GRAP2: variants seen among roughly 807,000 people sequenced by gnomAD.
GRAP2 encodes GRB2-related adapter protein 2.
Under a neutral mutation model 43.5 loss-of-function variants are expected in GRAP2, and 31 were observed. The ratio of observed to expected loss-of-function variants is 0.71; its 90% CI spans 0.54 to 0.96. The LOEUF is 0.96. GRAP2 is among the 40% of genes least tolerant of loss of function. GRAP2 has a pLI of 0.00. For synonymous variants in GRAP2, 156 were observed against 164.8 expected (o/e 0.95, Z 0.41); for missense variants, 371 against 424.4 (o/e 0.87, Z 1.11).
At chr22:39,924,899 G>C (rs538072756) in intron 1 of GRAP2, among the ~76,000 whole-genome samples, 21 of 152,304 alleles carry the variant, frequency 1.4e-4, no homozygotes, top group African/African-American at 5.1e-4. Flanking sequence ...AACATAGTAA[G>C]CTCTGCACTG....
intron 3 of GRAP2, among the ~76,000 whole-genome samples, chr22:39,957,460 TCAAA>T (rs1417806620): frequency 6.6e-6 from 1 of 152,112 alleles, no homozygotes; most frequent in Non-Finnish European, 1.5e-5. Flanking sequence ...GCAAGTGTGC[TCAAA>T]CAGTCGGCCT....
chr22:39,911,129 A>G (rs2066561341), intron 1 of GRAP2, among the ~76,000 whole-genome samples: 1 of 152,238 alleles, frequency 6.6e-6, no homozygotes, highest in Admixed American at 6.5e-5. Flanking sequence ...CAGAGGCAGC[A>G]TTAGATGAGG....
At chr22:39,898,924 A>G (rs1174977358), upstream of GRAP2, among the ~76,000 whole-genome samples, 1 of 152,286 alleles carries the variant, frequency 6.6e-6, no homozygotes, top group Non-Finnish European at 1.5e-5. Context: ...GGTTTAAAAA[A>G]GAAACTTCTC....
At chr22:39,948,561 A>C (rs1428602016) in intron 2 of GRAP2, 1 of 151,820 alleles carries the variant, frequency 6.6e-6, no homozygotes, top group Admixed American at 6.6e-5. Flanking sequence ...TCTGCTTCCC[A>C]ATCCAGCTCC....
chr22:39,970,911 C>T lies in GRAP2; in HGVS notation c.820C>T (p.Arg274Trp), dbSNP rs187816875. 635 of 1,601,408 alleles carry T rather than the reference C, an allele frequency of 4.0e-4. No homozygotes were observed. The highest frequency in any genetic ancestry group is 5.0e-4 in the Non-Finnish European group (585 of 1,174,356). Reference sequence around the variant, plus strand: ...TCTGTGCTTCCCCCAACAGCGAGTGCGGTGGGCCCGGGCGCTGTATGACTT... The same window carrying T: ...TCTGTGCTTCCCCCAACAGCGAGTGTGGTGGGCCCGGGCGCTGTATGACTT... ...PVQLQAAGRV[R>W]WARALYDFEA... The change falls in exon 8 of 8, where the codon CGG becomes TGG. Residue 274 changes from arginine (R) to tryptophan (W), a missense_variant. Transcript: ENST00000344138.
chr22:39,919,720 A>G (rs985708348), intron 1 of GRAP2, among the ~76,000 whole-genome samples: 1 of 152,246 alleles, frequency 6.6e-6, no homozygotes, highest in Non-Finnish European at 1.5e-5. Context: ...CCATTCTTCT[A>G]TCTCCTTCAA....
At chr22:39,937,745 C>G (rs189297368) in intron 1 of GRAP2, among the ~76,000 whole-genome samples, 1 of 152,086 alleles carries the variant, frequency 6.6e-6, no homozygotes, top group African/African-American at 2.4e-5. Context: ...TATGGTTCTC[C>G]GGCTACAAAG....
intron 1 of GRAP2, among the ~76,000 whole-genome samples, chr22:39,936,175 G>A (rs2066804406): frequency 6.6e-6 from 1 of 152,112 alleles, no homozygotes; most frequent in Admixed American, 6.5e-5. Context: ...TCTCTCGACT[G>A]TCATTCCCAT....
At chr22:39,920,707 C>G (rs2145588081) in intron 1 of GRAP2, among the ~76,000 whole-genome samples, 2 of 152,240 alleles carry the variant, frequency 1.3e-5, no homozygotes, top group African/African-American at 4.8e-5. Context: ...TGCTGACTCT[C>G]CAACCCCCAG....
intron 1 of GRAP2, among the ~76,000 whole-genome samples, chr22:39,929,522 C>A (rs533320457): frequency 6.6e-6 from 1 of 152,300 alleles, no homozygotes; most frequent in East Asian, 1.9e-4. Flanking sequence ...CCTCACCCTC[C>A]TTACCTATAC....
intron 1 of GRAP2, among the ~76,000 whole-genome samples, chr22:39,910,859 C>G (rs2066558147): frequency 6.6e-6 from 1 of 152,108 alleles, no homozygotes; most frequent in African/African-American, 2.4e-5. Context: ...ATTAGCTTCC[C>G]CTCCCTGCAG....
chr22:39,917,172 T>A (rs1480160937), intron 1 of GRAP2, among the ~76,000 whole-genome samples: 3 of 152,230 alleles, frequency 2.0e-5, no homozygotes, highest in Non-Finnish European at 4.4e-5. Context: ...CACAATTATT[T>A]GAGGGATTTA....
intron 1 of GRAP2, among the ~76,000 whole-genome samples, chr22:39,924,692 A>C (rs1281917368): frequency 6.6e-6 from 1 of 151,160 alleles, no homozygotes; most frequent in Admixed American, 6.6e-5. Context: ...ACAAAACGAG[A>C]CTCCGTCTCA....
rs552706125 is a variant in GRAP2, at chr22:39,971,216, T to A, written c.*132T>A. ...GCCTGTGTACACACACAACTTTTTA[T>A]ACTAGTAATTTATTGGCAATTGGGC... On this transcript the variant is annotated 3_prime_UTR_variant, in exon 8 of 8. Coordinates refer to ENST00000344138, the MANE Select transcript of GRAP2 (RefSeq NM_004810.4). 1.6e-6 allele frequency: 1 copy of A among 643,122 alleles called. No homozygotes were observed. Among genetic ancestry groups the A allele is most frequent in the Admixed American group, 3.5e-5 (1 of 28,580 alleles). 39.8% of individuals were successfully genotyped at this position (643,122 alleles called of 1,614,324 possible). A position where few individuals can be genotyped will look rare whatever the true frequency, so the allele number is the denominator to read the frequency against.
chr22:39,935,007 C>G (rs904839342), intron 1 of GRAP2, among the ~76,000 whole-genome samples: 1 of 152,150 alleles, frequency 6.6e-6, no homozygotes, highest in Admixed American at 6.5e-5. Flanking sequence ...GGGTTCAAGT[C>G]TAGATAATGT....
At chr22:39,965,858 C>T in intron 4 of GRAP2, 132 bp from the exon 5 acceptor site, 1 of 785,386 alleles carries the variant, frequency 1.3e-6, no homozygotes, top group Non-Finnish European at 2.2e-6. Context: ...GCCCACCTGC[C>T]CAGTGATGAG....
chr22:39,972,267 GA>G lies in GRAP2; in HGVS notation c.*1184del, dbSNP rs2067253392. 6.6e-6 allele frequency: 1 copy of G among 152,494 alleles called. No homozygotes were observed. The highest frequency in any genetic ancestry group is 1.5e-5 in the Non-Finnish European group (1 of 68,234). 9.4% of individuals were successfully genotyped at this position (152,494 alleles called of 1,614,324 possible). A position where few individuals can be genotyped will look rare whatever the true frequency, so the allele number is the denominator to read the frequency against. On this transcript the variant is annotated 3_prime_UTR_variant, in exon 8 of 8. Transcript: ENST00000344138. ...CAGGTCAGCCTGGCCAGGGGCGAAGGAGACAGTAGAGAGGAAGCTCAGGGCC... is the reference window on the plus strand; with the variant it reads ...CAGGTCAGCCTGGCCAGGGGCGAAGGGACAGTAGAGAGGAAGCTCAGGGCC...
chr22:39,900,552 TA>T (rs1173097605), upstream of GRAP2, among the ~76,000 whole-genome samples: 1 of 152,174 alleles, frequency 6.6e-6, no homozygotes, highest in African/African-American at 2.4e-5. Context: ...TGGAAAGTCT[TA>T]AATCCCAGAA....
intron 5 of GRAP2, among the ~76,000 whole-genome samples, chr22:39,967,570 C>T (rs1202351996): frequency 6.6e-6 from 1 of 152,166 alleles, no homozygotes; most frequent in South Asian, 2.1e-4. Flanking sequence ...AGGCCTGGTT[C>T]CCATGGTGTT....
Sources: gnomAD v4.1 joint callset for allele counts (sites outside exome capture counted in the v4.1 genomes callset) on GRCh38, gnomAD v4.1.1 for gene constraint, MANE v1.5 for transcripts, NCBI Gene and HGNC (gene_info 2026-07-23, HGNC 2026-07-21) for gene names.